The following TPM1 variants were observed in gnomAD, a reference collection of about 807,000 sequenced individuals.
The protein encoded by TPM1 is tropomyosin alpha-1 chain.
A neutral mutation model predicts 42.9 loss-of-function variants in TPM1; 24 were observed. That is an observed-to-expected ratio of 0.56 (90% confidence interval 0.41 to 0.79). The LOEUF (loss-of-function observed/expected upper bound fraction) is 0.79, where lower values mean the gene tolerates loss of function less well. TPM1 is among the 30% of genes least tolerant of loss of function. The probability of loss-of-function intolerance (pLI) is 0.00; values close to 1 mark genes in which losing one functional copy is unlikely to be tolerated. For missense variants in TPM1, 158 were observed against 351.8 expected, an observed-to-expected ratio of 0.45 and a Z score of 4.41; for synonymous variants, 136 against 130.1, an observed-to-expected ratio of 1.05 and a Z score of -0.31.
intron 2 of TPM1, among the ~76,000 whole-genome samples, chr15:63,051,111 G>A (rs965122459): frequency 6.6e-6 from 1 of 152,090 alleles, no homozygotes; most frequent in African/African-American, 2.4e-5. Context: ...GGTTATGTTT[G>A]CTTTTTTTCA....
At chr15:63,044,260 A>G in intron 2 of TPM1, 108 bp downstream of exon 2, 1 of 1,527,962 alleles carries the variant, frequency 6.5e-7, no homozygotes, top group Admixed American at 1.7e-5. Context: ...CCTGCTGGAC[A>G]CCTGCACACA....
Position 63,062,509 on chromosome 15 carries a change from T to G in TPM1, c.703-67T>G. 1.9e-6 allele frequency: 3 copies of G among 1,562,102 alleles called. No individual in the cohort carries two copies. In the Admixed American group the frequency reaches 5.0e-5, roughly 26 times the overall value. ...ATGTGCTTCATTTTCATCCTCTAGT[T>G]TTCCCTATGTTTGTAGCTACAGGAA... On this transcript the variant is annotated intron_variant, in intron 7 of 9. Coordinates refer to ENST00000403994, the MANE Select transcript of TPM1 (RefSeq NM_001018005.2).
Position 63,042,783 on chromosome 15 carries a change from G to C in TPM1, c.-47G>C, listed in dbSNP as rs372760316. On this transcript the variant is annotated 5_prime_UTR_variant, in exon 1 of 10. Transcript: ENST00000403994. Reference sequence around the variant, plus strand: ...CGCTCCTCCGCCCGACCGCGCGCTCGCCCCGCCGCTCCTGCTGCAGCCCCA... The same window carrying C: ...CGCTCCTCCGCCCGACCGCGCGCTCCCCCCGCCGCTCCTGCTGCAGCCCCA... 6.5e-7 allele frequency: 1 copy of C among 1,547,852 alleles called. No homozygotes were observed. The highest frequency in any genetic ancestry group is 8.9e-7 in the Non-Finnish European group (1 of 1,126,654).
downstream of TPM1, chr15:63,070,269 C>T (rs1210772811): frequency 8.7e-7 from 1 of 1,147,608 alleles, no homozygotes; most frequent in Non-Finnish European, 1.1e-6. Context: ...TCCTGACAGC[C>T]ATGAGTCCTA....
intron 2 of TPM1, chr15:63,048,581 G>A (rs2033030137): frequency 6.5e-7 from 1 of 1,528,202 alleles, no homozygotes; most frequent in Admixed American, 2.0e-5. Context: ...GCGCGATGGC[G>A]GGGAGTAGCT....
chr15:63,043,712 G>A (rs1166160152), intron 1 of TPM1: 2 of 1,546,974 alleles, frequency 1.3e-6, no homozygotes, highest in East Asian at 2.4e-5. Context: ...CCAGCTCGAG[G>A]AGGACATCGC....
At chr15:63,064,537 A>G (rs913938328) in intron 9 of TPM1, 2 of 1,061,822 alleles carry the variant, frequency 1.9e-6, no homozygotes, top group African/African-American at 3.4e-5. Context: ...GTACAACATA[A>G]TCATTTTCGT....
At chr15:63,070,962 T>C, downstream of TPM1, 1 of 1,528,958 alleles carries the variant, frequency 6.5e-7, no homozygotes, top group African/African-American at 1.4e-5. Flanking sequence ...AGTAATGTCT[T>C]ACAAGCATGC....
intron 5 of TPM1, 55 bp from the exon 6 acceptor site, chr15:63,061,658 T>C (rs1291635655): frequency 3.2e-5 from 49 of 1,539,450 alleles, no homozygotes; most frequent in Non-Finnish European, 4.0e-5. Context: ...CCTTTTTCTC[T>C]CCTCCTTCCT....
intron 9 of TPM1, 94 bp from the exon 10 acceptor site, chr15:63,065,802 A>C: frequency 3.4e-6 from 5 of 1,449,316 alleles, no homozygotes; most frequent in Non-Finnish European, 4.7e-6. Context: ...CTGTGTTTCA[A>C]GTGCTCTCAT....
At chr15:63,056,736 G>C (rs2034855169) in intron 2 of TPM1, 1 of 528,176 alleles carries the variant, frequency 1.9e-6, no homozygotes, top group Middle Eastern at 5.0e-4. Flanking sequence ...GTTTGCTAAT[G>C]ATCTGTCTGT....
At chr15:63,070,002 C>G, downstream of TPM1, 1 of 1,611,722 alleles carries the variant, frequency 6.2e-7, no homozygotes, top group Non-Finnish European at 8.5e-7. Context: ...TGCAGAAAAT[C>G]TAAGACTGTC....
intron 3 of TPM1, 114 bp downstream of exon 3, chr15:63,057,232 A>G (rs1388837423): frequency 7.1e-7 from 1 of 1,408,066 alleles, no homozygotes. Context: ...TGGTGGGATC[A>G]TTTCCTCTAT....
At chr15:63,070,979 C>A, downstream of TPM1, 1 of 1,572,530 alleles carries the variant, frequency 6.4e-7, no homozygotes, top group South Asian at 1.1e-5. Flanking sequence ...ATGCCTAGTT[C>A]TAATCATCTC....
At chr15:63,068,361 G>A (rs1227071554), downstream of TPM1, among the ~76,000 whole-genome samples, 3 of 152,168 alleles carry the variant, frequency 2.0e-5, no homozygotes, top group Non-Finnish European at 2.9e-5. Context: ...AGGAGGTAGC[G>A]GACGTTTGAC....
chr15:63,043,562 G>A lies in TPM1; in HGVS notation c.115-465G>A, dbSNP rs914366074. 12 of 1,326,818 alleles carry A rather than the reference G, an allele frequency of 9.0e-6. No homozygotes were observed. In the African/African-American group the frequency reaches 1.6e-4, roughly 18 times the overall value. The allele number at this position is 1,326,818 out of a possible 1,614,324, so 82.2% of individuals were successfully genotyped here. A position where few individuals can be genotyped will look rare whatever the true frequency, so the allele number is the denominator to read the frequency against. ...GCGGAGCGGTTCCAGCTCGGGTAAAGAGGAAGTTACCTCGGGTCCTTTGCA... is the reference window on the plus strand; with the variant it reads ...GCGGAGCGGTTCCAGCTCGGGTAAAAAGGAAGTTACCTCGGGTCCTTTGCA... On this transcript the variant is annotated intron_variant, in intron 1 of 9. Coordinates refer to ENST00000403994, the MANE Select transcript of TPM1 (RefSeq NM_001018005.2).
downstream of TPM1, chr15:63,071,085 CA>C: frequency 6.2e-7 from 1 of 1,614,004 alleles, no homozygotes; most frequent in Non-Finnish European, 8.5e-7. Context: ...CTAATCTCAC[CA>C]CAGAGAAAGT....
At chr15:63,052,956 T>A (rs1444081483) in intron 2 of TPM1, among the ~76,000 whole-genome samples, 1 of 152,158 alleles carries the variant, frequency 6.6e-6, no homozygotes, top group Non-Finnish European at 1.5e-5. Flanking sequence ...TAGGCCAGTA[T>A]AATAGGGCCT....
chr15:63,060,966 ACG>A (rs1326283378), intron 5 of TPM1, 27 bp downstream of exon 5: 4 of 1,613,216 alleles, frequency 2.5e-6, no homozygotes, highest in Non-Finnish European at 3.4e-6. Flanking sequence ...CCAGGAGGCC[ACG>A]AATGGGGTGC....
Sources: gnomAD v4.1 joint callset for allele counts (sites outside exome capture counted in the v4.1 genomes callset) on GRCh38, gnomAD v4.1.1 for gene constraint, MANE v1.5 for transcripts, NCBI Gene and HGNC (gene_info 2026-07-23, HGNC 2026-07-21) for gene names.